The following LY75 variants were observed in gnomAD, a reference collection of about 807,000 sequenced individuals.
The protein encoded by LY75 is lymphocyte antigen 75.
Under a neutral mutation model 231.7 loss-of-function variants are expected in LY75, and 185 were observed. The ratio of observed to expected loss-of-function variants is 0.80; its 90% CI spans 0.71 to 0.90. The LOEUF is 0.90. LY75 is among the 40% of genes least tolerant of loss of function. The pLI, the probability that LY75 is intolerant of heterozygous loss-of-function variation, is 0.00. For missense variants in LY75, 1,947 were observed against 2,050.2 expected (o/e 0.95, Z 0.97); for synonymous variants, 668 against 689.0 (o/e 0.97, Z 0.48).
intron 3 of LY75, among the ~76,000 whole-genome samples, chr2:159,893,526 C>T (rs930559165): frequency 6.6e-6 from 1 of 152,124 alleles, no homozygotes; most frequent in Non-Finnish European, 1.5e-5. Flanking sequence ...TCTTCTGCTC[C>T]GTGAAACTTA....
chr2:159,882,415 A>AACATC, intron 6 of LY75, 100 bp from the exon 7 acceptor site: 1 of 1,488,932 alleles, frequency 6.7e-7, no homozygotes, highest in Non-Finnish European at 8.9e-7. Flanking sequence ...AGTCCTGGAA[A>AACATC]ACTGGGGACG....
At chr2:159,887,579 A>AAAAG (rs1275543240) in intron 4 of LY75, among the ~76,000 whole-genome samples, 2 of 150,436 alleles carry the variant, frequency 1.3e-5, no homozygotes, top group Admixed American at 6.6e-5. Flanking sequence ...AAAAAAAAAA[A>AAAAG]AAAAAGAAAA....
Position 159,860,865 on chromosome 2 carries a change from C to G in LY75, c.2224G>C (p.Glu742Gln), listed in dbSNP as rs779405040. The change falls in exon 15 of 35, where the codon GAG becomes CAG. Residue 742 changes from glutamate to glutamine, a missense_variant. Transcript: ENST00000263636. ...CTGATGTCATAATCCTGCTGAAACTCATTTGGCATGATAATAGTAGACACC... is the reference window on the plus strand; with the variant it reads ...CTGATGTCATAATCCTGCTGAAACTGATTTGGCATGATAATAGTAGACACC... ...TPVSTIIMPN[E>Q]FQQDYDIRDC... The G allele has an allele frequency of 6.2e-7, 1 of 1,613,844 alleles. No homozygotes were observed. The highest frequency in any genetic ancestry group is 8.5e-7 in the Non-Finnish European group (1 of 1,179,904).
rs376679375 is a variant in LY75, at chr2:159,870,028, T to C, written c.2117+2423A>G. 5.9e-5 allele frequency among the ~76,000 whole-genome samples: 9 copies of C among 152,186 alleles called. No homozygotes were observed. In the South Asian group the frequency reaches 1.9e-3, roughly 31 times the overall value. On this transcript the variant is annotated intron_variant, in intron 13 of 34. Transcript: ENST00000263636. ...ACTGGACAATGATGTCTAGAATACCTGAGATTCTACGATAGATGCTTAATA... is the reference window on the plus strand; with the variant it reads ...ACTGGACAATGATGTCTAGAATACCCGAGATTCTACGATAGATGCTTAATA...
chr2:159,893,560 T>C (rs2125883871), intron 3 of LY75, among the ~76,000 whole-genome samples: 1 of 152,336 alleles, frequency 6.6e-6, no homozygotes, highest in African/African-American at 2.4e-5. Flanking sequence ...CTTCTGTTCA[T>C]GCTTCATTCC....
chr2:159,848,166 G>GCA (rs1553805095), intron 23 of LY75, among the ~76,000 whole-genome samples: 1 of 139,634 alleles, frequency 7.2e-6, no homozygotes, highest in African/African-American at 2.8e-5. Flanking sequence ...GTGTGTGTGT[G>GCA]TATATGTATA....
Position 159,834,096 on chromosome 2 carries a change from A to G in LY75, c.3789T>C (p.Asn1263=). The G allele has an allele frequency of 1.2e-6, 2 of 1,613,910 alleles. No individual in the cohort carries two copies. The highest frequency in any genetic ancestry group is 1.7e-6 in the Non-Finnish European group (2 of 1,179,922). ...NCCYNFIITK[N]RHMATTQDEV... is the part of the protein sequence containing the mutation. ...CATCCTGTGTTGTTGCCATATGCCT[A>G]TTCTTTGTTATTATGAAATTGTAGC... The change falls in exon 27 of 35, where the codon AAT becomes AAC. Residue 1263 remains asparagine (N), a synonymous_variant. Transcript: ENST00000263636.
intron 27 of LY75, 43 bp downstream of exon 27, chr2:159,834,001 A>G (rs1013611999): frequency 1.3e-6 from 2 of 1,590,386 alleles, no homozygotes; most frequent in Non-Finnish European, 1.7e-6. Context: ...AGCCTCGGGT[A>G]TGTCCTTATA....
At chr2:159,867,041 T>G (rs975206925) in intron 13 of LY75, among the ~76,000 whole-genome samples, 1 of 152,164 alleles carries the variant, frequency 6.6e-6, no homozygotes, top group African/African-American at 2.4e-5. Flanking sequence ...CTGGCTCCTT[T>G]GCTGCACCTC....
chr2:159,814,673 G>T (rs1379863415), intron 31 of LY75, among the ~76,000 whole-genome samples: 1 of 144,298 alleles, frequency 6.9e-6, no homozygotes, highest in African/African-American at 2.5e-5. Context: ...AAAAGAAAAA[G>T]AAAAGATAAG....
chr2:159,903,173 A>T (rs1283942562), intron 1 of LY75: 1 of 152,256 alleles, frequency 6.6e-6, no homozygotes. Context: ...CAGGGGGAAC[A>T]GAGTTAAACC....
intron 24 of LY75, 58 bp downstream of exon 24, chr2:159,842,187 C>G (rs2556101): frequency 1.4e-6 from 2 of 1,440,214 alleles, no homozygotes; most frequent in African/African-American, 1.6e-5. Flanking sequence ...CTCTCTCTCT[C>G]TATATATATA....
intron 23 of LY75, among the ~76,000 whole-genome samples, chr2:159,842,788 A>G (rs528111098): frequency 2.4e-4 from 36 of 152,232 alleles, no homozygotes; most frequent in Admixed American, 3.9e-4. Context: ...CACTATAAAA[A>G]TCTCCATATA....
chr2:159,804,939 T>C lies in LY75; in HGVS notation c.*105A>G. On this transcript the variant is annotated 3_prime_UTR_variant, in exon 35 of 35. Coordinates refer to ENST00000263636, the MANE Select transcript of LY75 (RefSeq NM_002349.4). The stretch of plus-strand genomic sequence containing the variant: ...TAAGATCTAAACAACTGAAAAAGTA[T>C]TTAAGAGTTCTACTTTGGAGCAGAG... The C allele has an allele frequency of 1.2e-6, 1 of 838,882 alleles. No homozygotes were observed. The highest frequency in any genetic ancestry group is 1.8e-6 in the Non-Finnish European group (1 of 543,842). 52.0% of individuals were successfully genotyped at this position (838,882 alleles called of 1,614,324 possible). A position where few individuals can be genotyped will look rare whatever the true frequency, so the allele number is the denominator to read the frequency against.
chr2:159,875,691 C>A, intron 11 of LY75, 48 bp from the exon 12 acceptor site: 1 of 1,603,150 alleles, frequency 6.2e-7, no homozygotes, highest in South Asian at 1.1e-5. Flanking sequence ...CGTTAAAGTT[C>A]AAACATTTTC....
chr2:159,890,675 G>A (rs1005615880), intron 3 of LY75, among the ~76,000 whole-genome samples: 14 of 152,056 alleles, frequency 9.2e-5, no homozygotes, highest in African/African-American at 3.4e-4. Flanking sequence ...TGAGATATGG[G>A]TCTCAGTGTG....
In LY75 at chr2:159,819,897, T is replaced by C; in HGVS notation, c.3982A>G (p.Lys1328Glu). The C allele has an allele frequency of 1.2e-6, 2 of 1,604,914 alleles. No individual in the cohort carries two copies. Among genetic ancestry groups the C allele is most frequent in the Non-Finnish European group, 1.7e-6 (2 of 1,177,756 alleles). The change falls in exon 29 of 35, where the codon AAG becomes GAG. Residue 1328 changes from lysine (K) to glutamate (E), a missense_variant. Transcript: ENST00000263636. ...CAATGTGTATATGACAGTGGGGTCT[T>C]ATCAAACCACATAAGAGACTTATCT... ...YRNKSLMWFD[K>E]TPLSYTHWRA...
chr2:159,886,204 T>G (rs1317263955), intron 5 of LY75, among the ~76,000 whole-genome samples: 1 of 152,076 alleles, frequency 6.6e-6, no homozygotes, highest in Non-Finnish European at 1.5e-5. Flanking sequence ...GTTCTAAAGG[T>G]CTAGAGGTTC....
chr2:159,852,390 A>G, intron 20 of LY75, 50 bp from the exon 21 acceptor site: 1 of 1,564,910 alleles, frequency 6.4e-7, no homozygotes, highest in African/African-American at 1.4e-5. Flanking sequence ...TTCAGTCAGT[A>G]CATTTTTATT....
Sources: allele counts gnomAD v4.1 joint callset (sites outside exome capture counted in the v4.1 genomes callset), GRCh38; gene constraint gnomAD v4.1.1; transcripts MANE v1.5; gene names NCBI Gene and HGNC (gene_info 2026-07-23, HGNC 2026-07-21).